The following SLC12A8 variants were observed in gnomAD, a reference collection of about 807,000 sequenced individuals.
SLC12A8 encodes solute carrier family 12 member 8.
Under a neutral mutation model 75.6 loss-of-function variants are expected in SLC12A8, and 69 were observed. That is an observed-to-expected ratio of 0.91 (90% CI 0.75 to 1.11). SLC12A8 has a LOEUF of 1.11. Among genes scored for constraint, SLC12A8 ranks in the 50% most tolerant of loss-of-function variants. The probability of loss-of-function intolerance (pLI) is 0.00; values close to 1 mark genes in which losing one functional copy is unlikely to be tolerated. For synonymous variants in SLC12A8, 365 were observed against 372.8 expected, an observed-to-expected ratio of 0.98 and a Z score of 0.24; for missense variants, 877 against 896.7, an observed-to-expected ratio of 0.98 and a Z score of 0.28.
Position 125,211,394 on chromosome 3 carries a change from T to C in SLC12A8, c.-45A>G, listed in dbSNP as rs746694553. On this transcript the variant is annotated splice_region_variant and 5_prime_UTR_variant, in exon 2 of 14. Coordinates refer to ENST00000469902, the MANE Select transcript of SLC12A8 (RefSeq NM_024628.6). ...CTGGTGATCTGGACAGGGAGACTGC[T>C]CTGGAAGGTAACAGCATCCTTGGTC... 1.3e-6 allele frequency: 2 copies of C among 1,539,046 alleles called. 1 individual carries two copies. The highest frequency in any genetic ancestry group is 2.2e-5 in the South Asian group (2 of 89,608).
chr3:125,097,844 C>T (rs771180479), intron 10 of SLC12A8, among the ~76,000 whole-genome samples: 2 of 151,976 alleles, frequency 1.3e-5, no homozygotes, highest in Non-Finnish European at 2.9e-5. Context: ...GGGCAGGGGA[C>T]AGCTTCTCAT....
At chr3:125,211,225 G>T in intron 2 of SLC12A8, 74 bp downstream of exon 2, 3 of 1,216,736 alleles carry the variant, frequency 2.5e-6, no homozygotes, top group Non-Finnish European at 3.6e-6. Flanking sequence ...TGTAATGTTT[G>T]CATCCAGCCC....
intron 6 of SLC12A8, among the ~76,000 whole-genome samples, chr3:125,133,627 T>C (rs1451659059): frequency 2.0e-5 from 3 of 152,116 alleles, no homozygotes; most frequent in Admixed American, 6.5e-5. Context: ...GGTTTCACCA[T>C]GTTGGCCAGG....
At chr3:125,090,816 A>G (rs550538427) in intron 12 of SLC12A8, among the ~76,000 whole-genome samples, 68 of 152,290 alleles carry the variant, frequency 4.5e-4, no homozygotes, top group African/African-American at 1.6e-3. Flanking sequence ...CTTTACATAT[A>G]AAGAAGGATT....
chr3:125,142,095 CACCTGT>C, intron 5 of SLC12A8, among the ~76,000 whole-genome samples: 1 of 152,246 alleles, frequency 6.6e-6, no homozygotes, highest in Non-Finnish European at 1.5e-5. Flanking sequence ...CGCCTCTCAG[CACCTGT>C]ACCTCGCCAG....
intron 6 of SLC12A8, among the ~76,000 whole-genome samples, chr3:125,135,419 T>C (rs1933462805): frequency 6.6e-6 from 1 of 152,196 alleles, no homozygotes; most frequent in South Asian, 2.1e-4. Flanking sequence ...CAGTAAACTC[T>C]GTTAAAATAA....
chr3:125,098,609 CAA>C (rs1938781064), intron 10 of SLC12A8, among the ~76,000 whole-genome samples: 1 of 148,668 alleles, frequency 6.7e-6, no homozygotes, highest in South Asian at 2.2e-4. Context: ...TAAAACTAGA[CAA>C]AATAGTCCAA....
intron 4 of SLC12A8, among the ~76,000 whole-genome samples, chr3:125,185,276 C>T (rs1353313414): frequency 4.6e-5 from 7 of 151,616 alleles, no homozygotes; most frequent in Non-Finnish European, 5.9e-5. Flanking sequence ...GCCGAGATCA[C>T]GCCATTGCAC....
At chr3:125,197,008 A>G (rs1362956995) in intron 2 of SLC12A8, among the ~76,000 whole-genome samples, 1 of 152,216 alleles carries the variant, frequency 6.6e-6, no homozygotes, top group Non-Finnish European at 1.5e-5. Context: ...TGATTTCTAA[A>G]TATCATTCTT....
intron 5 of SLC12A8, among the ~76,000 whole-genome samples, chr3:125,163,390 G>A (rs530739240): frequency 4.6e-5 from 7 of 152,054 alleles, no homozygotes; most frequent in East Asian, 3.9e-4. Flanking sequence ...GACGGATCAC[G>A]AGGTCGGGAG....
intron 6 of SLC12A8, among the ~76,000 whole-genome samples, chr3:125,124,928 G>A (rs1220293304): frequency 6.6e-6 from 1 of 152,146 alleles, no homozygotes; most frequent in Non-Finnish European, 1.5e-5. Context: ...CAGAGCATTA[G>A]TGCCCAGGTG....
intron 2 of SLC12A8, among the ~76,000 whole-genome samples, chr3:125,209,847 C>T (rs931018904): frequency 2.0e-5 from 3 of 152,148 alleles, no homozygotes; most frequent in African/African-American, 7.2e-5. Context: ...GGGTCAAATG[C>T]ACAGATCTAT....
chr3:125,204,856 T>A (rs1225094831), intron 2 of SLC12A8, among the ~76,000 whole-genome samples: 1 of 152,096 alleles, frequency 6.6e-6, no homozygotes, highest in Non-Finnish European at 1.5e-5. Flanking sequence ...ATACGTATAA[T>A]TATTATATAT....
intron 6 of SLC12A8, among the ~76,000 whole-genome samples, chr3:125,126,384 G>A (rs529194187): frequency 3.4e-4 from 51 of 152,180 alleles, no homozygotes; most frequent in South Asian, 1.9e-3. Flanking sequence ...AGACATAGAG[G>A]GCCAGAAAAT....
chr3:125,174,820 C>G (rs969229019), intron 5 of SLC12A8, among the ~76,000 whole-genome samples: 1 of 152,236 alleles, frequency 6.6e-6, no homozygotes, highest in African/African-American at 2.4e-5. Context: ...AGTTGGGGAG[C>G]ATTAAAAGGC....
intron 6 of SLC12A8, among the ~76,000 whole-genome samples, chr3:125,123,926 G>GAACA (rs1348624389): frequency 6.6e-6 from 1 of 152,102 alleles, no homozygotes; most frequent in Non-Finnish European, 1.5e-5. Context: ...AGACCCCTGA[G>GAACA]AACACCACAG....
chr3:125,088,576 C>T (rs1252118268), intron 12 of SLC12A8, among the ~76,000 whole-genome samples: 2 of 152,122 alleles, frequency 1.3e-5, no homozygotes, highest in African/African-American at 4.8e-5. Context: ...CATGTGAATC[C>T]TTCAAAAGTT....
At chr3:125,091,628 G>A (rs569090522) in intron 11 of SLC12A8, 72 bp from the exon 12 acceptor site, 3 of 961,042 alleles carry the variant, frequency 3.1e-6, no homozygotes, top group African/African-American at 3.2e-5. Flanking sequence ...CAAGGCTAAT[G>A]TCTTCAGCAA....
chr3:125,141,472 T>G lies in SLC12A8; in HGVS notation c.623-5690A>C, dbSNP rs533870286. Reference sequence around the variant, plus strand: ...GCTTGGGGTGCCCAGCAGCCGGGCATGGGACCCTTGCCCTGGGTAGGCGGC... The same window carrying G: ...GCTTGGGGTGCCCAGCAGCCGGGCAGGGGACCCTTGCCCTGGGTAGGCGGC... On this transcript the variant is annotated intron_variant, in intron 5 of 13. Coordinates refer to ENST00000469902, the MANE Select transcript of SLC12A8 (RefSeq NM_024628.6). Among the ~76,000 whole-genome samples the G allele has an allele frequency of 1.1e-4, 17 of 152,246 alleles. No individual in the cohort carries two copies. In the East Asian group the frequency reaches 3.1e-3, roughly 28 times the overall value.
Sources: gnomAD v4.1 joint callset for allele counts (sites outside exome capture counted in the v4.1 genomes callset) on GRCh38, gnomAD v4.1.1 for gene constraint, MANE v1.5 for transcripts, NCBI Gene and HGNC (gene_info 2026-07-23, HGNC 2026-07-21) for gene names.